Variants in CHDH observed in about 807,000 individuals in gnomAD.
The protein encoded by CHDH is choline dehydrogenase, also known as choline dehydrogenase, mitochondrial.
In CHDH, 43 loss-of-function variants were observed where a neutral mutation model predicts 56.9. The ratio of observed to expected loss-of-function variants is 0.76; its 90% CI spans 0.59 to 0.97. CHDH has a LOEUF of 0.97. CHDH is among the 50% of genes least tolerant of loss of function. The pLI is 0.00. For synonymous variants in CHDH, 364 were observed against 348.5 expected, an observed-to-expected ratio of 1.04 and a Z score of -0.50; for missense variants, 816 against 821.1, an observed-to-expected ratio of 0.99 and a Z score of 0.08.
chr3:53,822,648 G>A lies in CHDH; in HGVS notation c.704-6C>T. ...GGCCGCGCTCCACCGTTTGCCTGCA[G>A]GATGGAGTGAGGTGGTCAGGCATGG... On this transcript the variant is annotated splice_region_variant and splice_polypyrimidine_tract_variant and intron_variant, in intron 3 of 8. Transcript: ENST00000315251. The A allele has an allele frequency of 1.2e-6, 2 of 1,606,216 alleles. No individual in the cohort carries two copies. The highest frequency in any genetic ancestry group is 1.3e-5 in the African/African-American group (1 of 75,018).
Position 53,822,550 on chromosome 3 carries a change from G to A in CHDH, c.796C>T (p.Leu266=). The A allele has an allele frequency of 6.2e-7, 1 of 1,613,580 alleles. No homozygotes were observed. Among genetic ancestry groups the A allele is most frequent in the Non-Finnish European group, 8.5e-7 (1 of 1,180,000 alleles). The change falls in exon 4 of 9, where the codon CTA becomes TTA. Residue 266 remains leucine (L), a synonymous_variant. Transcript: ENST00000315251. ...AEAETLVSRV[L]FEGTRAVGVE... ...CCCACTGCACGGGTGCCCTCAAATA[G>A]CACCCTGCTCACAAGCGTCTCGGCC... is the stretch of plus-strand genomic sequence containing the variant.
At chr3:53,842,998 A>G (rs1055308487) in intron 1 of CHDH, among the ~76,000 whole-genome samples, 1 of 152,138 alleles carries the variant, frequency 6.6e-6, no homozygotes, top group Non-Finnish European at 1.5e-5. Flanking sequence ...GCCTTGATTA[A>G]TATTTGCAAA....
chr3:53,819,624 G>A lies in CHDH; in HGVS notation c.1171C>T (p.Pro391Ser). The A allele has an allele frequency of 6.2e-7, 1 of 1,612,472 alleles. No individual in the cohort carries two copies. The highest frequency in any genetic ancestry group is 8.5e-7 in the Non-Finnish European group (1 of 1,179,124). Reference sequence around the variant, plus strand: ...TGGATGTCCGGGTGGGGGACCCCAGGCTGGCTGCGGATGAACCCACCTGTT... The same window carrying A: ...TGGATGTCCGGGTGGGGGACCCCAGACTGGCTGCGGATGAACCCACCTGTT... ...LETGGFIRSQPGVPHPDIQFH... is the reference protein window; with the variant it reads ...LETGGFIRSQSGVPHPDIQFH... Residue 391 changes from proline (P) to serine (S), a missense_variant, in exon 7 of 9, where the codon CCT (proline) becomes TCT (serine). Pro to Ser is a moderately conservative substitution (Grantham distance 74). Coordinates refer to ENST00000315251, the MANE Select transcript of CHDH (RefSeq NM_018397.5). This position sits in a 1 kb window ranked among gnomAD's most constrained non-coding sequence, Gnocchi z 5.4.
At chr3:53,843,372 A>G (rs180794004) in intron 1 of CHDH, among the ~76,000 whole-genome samples, 25 of 152,236 alleles carry the variant, frequency 1.6e-4, no homozygotes, top group Non-Finnish European at 3.2e-4. Context: ...CCAAAAGACT[A>G]AGAGCCTCAC....
intron 2 of CHDH, among the ~76,000 whole-genome samples, chr3:53,834,678 G>A (rs1490858221): frequency 6.6e-6 from 1 of 152,236 alleles, no homozygotes; most frequent in African/African-American, 2.4e-5. Context: ...ATGTCTGCCT[G>A]CAGAGTCGCA....
intron 2 of CHDH, among the ~76,000 whole-genome samples, chr3:53,837,177 G>C (rs186894780): frequency 1.4e-3 from 214 of 151,554 alleles, no homozygotes; most frequent in African/African-American, 4.5e-3. Context: ...ATGGGCAATA[G>C]AGCAAGACCC....
rs1337648624 is a variant in CHDH, at chr3:53,821,796, G to A, written c.856-20C>T. On this transcript the variant is annotated intron_variant, in intron 4 of 8. Transcript: ENST00000315251. ...ATAAGCCTGGAAGAGGTCCAGCCAG[G>A]TCACTCCCTGAAAAGCCAGCTGTTC... is the stretch of plus-strand genomic sequence containing the variant. The A allele has an allele frequency of 1.9e-6, 3 of 1,611,938 alleles. No individual in the cohort carries two copies. The highest frequency in any genetic ancestry group is 1.3e-5 in the African/African-American group (1 of 74,878).
intron 2 of CHDH, among the ~76,000 whole-genome samples, chr3:53,837,506 C>A (rs1698533904): frequency 6.6e-6 from 1 of 152,226 alleles, no homozygotes; most frequent in South Asian, 2.1e-4. Context: ...CAGGCCGCAC[C>A]GTGTGACCCA....
chr3:53,833,379 G>A (rs925214555), intron 2 of CHDH, among the ~76,000 whole-genome samples: 17 of 152,184 alleles, frequency 1.1e-4, no homozygotes, highest in African/African-American at 4.1e-4. Context: ...GCTACCCAAA[G>A]GGAACTCCTT....
chr3:53,844,230 C>T (rs1698777720), intron 1 of CHDH, among the ~76,000 whole-genome samples: 1 of 152,212 alleles, frequency 6.6e-6, no homozygotes, highest in African/African-American at 2.4e-5. Context: ...GCCTGGCAGC[C>T]CCTGCCTGAG....
At chr3:53,821,898 C>T in intron 4 of CHDH, 122 bp from the exon 5 acceptor site, 1 of 1,287,188 alleles carries the variant, frequency 7.8e-7, no homozygotes, top group Non-Finnish European at 1.1e-6. Flanking sequence ...TCCTGTGGCA[C>T]ACCCGGGACA....
Position 53,823,510 on chromosome 3 carries a change from AG to A in CHDH, c.498del (p.Phe167SerfsTer51). 6.5e-7 allele frequency: 1 copy of A among 1,542,366 alleles called. No individual in the cohort carries two copies. The highest frequency in any genetic ancestry group is 8.7e-7 in the Non-Finnish European group (1 of 1,145,552). ...RGWDYAHCLP[Y>X]FRKAQGHELG... ...AGCTCGTGGCCCTGCGCCTTGCGGAAGTAGGGCAGGCAGTGCGCGTAGTCCC... is the reference window on the plus strand; with the variant it reads ...AGCTCGTGGCCCTGCGCCTTGCGGAATAGGGCAGGCAGTGCGCGTAGTCCC... On this transcript the variant is annotated frameshift_variant, in exon 3 of 9. Transcript: ENST00000315251. LOFTEE classifies it high-confidence loss of function.
chr3:53,841,568 A>G lies in CHDH; in HGVS notation c.-130-569T>C, dbSNP rs200759388. On this transcript the variant is annotated intron_variant, in intron 1 of 8. Coordinates refer to ENST00000315251, the MANE Select transcript of CHDH (RefSeq NM_018397.5). ...TTGGCCAGCCAAGGTTAGCCAGCCA[A>G]TTTTCACACACATGCCCACTGCTGT... Among the ~76,000 whole-genome samples, 5 of 152,112 alleles carry G rather than the reference A, an allele frequency of 3.3e-5. No homozygotes were observed. The East Asian group carries it at 5.8e-4, about 18-fold the overall frequency.
chr3:53,837,784 G>A (rs147244909), intron 2 of CHDH, among the ~76,000 whole-genome samples: 374 of 152,184 alleles, frequency 2.5e-3, no homozygotes, highest in African/African-American at 7.3e-3. Flanking sequence ...GAGGCCGGGC[G>A]CGGTGGCTCA....
chr3:53,823,341 T>TTA lies in CHDH; in HGVS notation c.667_668insTA (p.Glu223ValfsTer9), dbSNP rs751205538. The TTA allele has an allele frequency of 9.9e-5, 158 of 1,593,930 alleles. 1 individual carries two copies. Among genetic ancestry groups the TTA allele is most frequent in the Non-Finnish European group, 1.2e-4 (140 of 1,169,582 alleles). On this transcript the variant is annotated frameshift_variant, in exon 3 of 9. Transcript: ENST00000315251. LOFTEE classifies it high-confidence loss of function. ...GGTCATGTCCATCCAGCCGAAGCCC[T>TTA]CCTGCTGGAAGCCATTCATGTCCTC... is the stretch of plus-strand genomic sequence containing the variant.
At chr3:53,845,098 C>G (rs755637996) in intron 1 of CHDH, among the ~76,000 whole-genome samples, 15 of 152,262 alleles carry the variant, frequency 9.9e-5, no homozygotes, top group Non-Finnish European at 1.8e-4. Flanking sequence ...CCCAAAGCAA[C>G]TCAGAGAGGT....
At chr3:53,825,995 T>C (rs2095638363) in intron 2 of CHDH, among the ~76,000 whole-genome samples, 1 of 151,978 alleles carries the variant, frequency 6.6e-6, no homozygotes, top group African/African-American at 2.4e-5. Flanking sequence ...AGGGAATACA[T>C]CTTTAAAAAT....
chr3:53,822,853 C>T (rs2095630398), intron 3 of CHDH, among the ~76,000 whole-genome samples: 2 of 152,166 alleles, frequency 1.3e-5, no homozygotes, highest in Admixed American at 1.3e-4. Flanking sequence ...TGGAAAAGTA[C>T]CCTTCACCCT....
intron 3 of CHDH, among the ~76,000 whole-genome samples, 169 bp from the exon 4 acceptor site, chr3:53,822,811 T>C (rs927582111): frequency 5.9e-5 from 9 of 151,612 alleles, no homozygotes; most frequent in African/African-American, 2.2e-4. Flanking sequence ...CCCTACTGAG[T>C]CCACATCTGC....
Sources: allele counts gnomAD v4.1 joint callset (sites outside exome capture counted in the v4.1 genomes callset), GRCh38; gene constraint gnomAD v4.1.1; non-coding constraint Gnocchi (gnomAD v3.1); transcripts MANE v1.5; gene names NCBI Gene and HGNC (gene_info 2026-07-23, HGNC 2026-07-21).